Variants in RANBP17 observed in about 807,000 individuals in gnomAD.
The protein encoded by RANBP17 is ran-binding protein 17.
RANBP17 carries 158 observed loss-of-function variants against 141.2 expected under a neutral mutation model. That is an observed-to-expected ratio of 1.12 (90% CI 0.98 to 1.28). The LOEUF is 1.28. Among genes scored for constraint, RANBP17 ranks in the 50% most tolerant of loss-of-function variants. The pLI, the probability that RANBP17 is intolerant of heterozygous loss-of-function variation, is 0.00. For missense variants in RANBP17, 1,438 were observed against 1,290.7 expected (o/e 1.11, Z -1.75); for synonymous variants, 430 against 450.0 (o/e 0.96, Z 0.56).
chr5:171,102,566 T>G (rs1268618489), intron 14 of RANBP17, among the ~76,000 whole-genome samples: 1 of 152,130 alleles, frequency 6.6e-6, no homozygotes, highest in East Asian at 1.9e-4. Flanking sequence ...AGGAGTTTGT[T>G]ATTACGCACT....
chr5:170,911,065 A>G lies in RANBP17; in HGVS notation c.691A>G (p.Ile231Val), dbSNP rs1409507227. The change falls in exon 7 of 28, where the codon ATT becomes GTT. Residue 231 changes from isoleucine (I) to valine (V), a missense_variant. By Grantham distance (29) the Ile-to-Val change is conservative (BLOSUM62 3). Coordinates refer to ENST00000523189, the MANE Select transcript of RANBP17 (RefSeq NM_022897.5). ...LVLNCLNFDF[I>V]GSSADESADD... ...CCTTAACTGCCTTAACTTTGACTTC[A>G]TTGGCAGTTCAGCAGATGAATCTGC... 1.9e-6 allele frequency: 3 copies of G among 1,612,092 alleles called. No individual in the cohort carries two copies. Among genetic ancestry groups the G allele is most frequent in the African/African-American group, 1.3e-5 (1 of 74,940 alleles).
At chr5:171,011,127 A>G (rs1180211170) in intron 14 of RANBP17, among the ~76,000 whole-genome samples, 5 of 152,132 alleles carry the variant, frequency 3.3e-5, no homozygotes, top group Non-Finnish European at 7.4e-5. Context: ...AACATCTCTC[A>G]TGAGCACAAA....
chr5:171,117,597 G>T (rs1216484131), intron 14 of RANBP17, among the ~76,000 whole-genome samples: 1 of 152,006 alleles, frequency 6.6e-6, no homozygotes, highest in East Asian at 1.9e-4. Flanking sequence ...AGGTTCAAGC[G>T]ATTCTCTTGC....
At chr5:171,100,906 A>T (rs888320757) in intron 14 of RANBP17, among the ~76,000 whole-genome samples, 1 of 152,094 alleles carries the variant, frequency 6.6e-6, no homozygotes, top group Non-Finnish European at 1.5e-5. Flanking sequence ...GTAGTTGTGC[A>T]GTTTTGAGTG....
At chr5:171,061,860 A>G (rs1473043338) in intron 14 of RANBP17, among the ~76,000 whole-genome samples, 2 of 152,214 alleles carry the variant, frequency 1.3e-5, no homozygotes, top group Non-Finnish European at 2.9e-5. Context: ...TATTGGGTGC[A>G]TATATATTTA....
intron 25 of RANBP17, 58 bp from the exon 26 acceptor site, chr5:171,293,825 G>T: frequency 7.8e-7 from 1 of 1,277,190 alleles, no homozygotes; most frequent in Non-Finnish European, 1.1e-6. Flanking sequence ...GAAAGGCCTG[G>T]GATTAGGGGG....
intron 12 of RANBP17, among the ~76,000 whole-genome samples, chr5:170,936,852 C>G (rs1045834803): frequency 6.6e-6 from 1 of 152,006 alleles, no homozygotes; most frequent in African/African-American, 2.4e-5. Context: ...AATCTAATTC[C>G]TTAAATTTTT....
chr5:171,035,751 T>G (rs1231584557), intron 14 of RANBP17, among the ~76,000 whole-genome samples: 3 of 150,478 alleles, frequency 2.0e-5, no homozygotes, highest in African/African-American at 7.3e-5. Flanking sequence ...TTTTTTTTTT[T>G]TTTTTAAGTA....
intron 14 of RANBP17, among the ~76,000 whole-genome samples, chr5:171,019,299 T>C (rs1251342913): frequency 6.6e-6 from 1 of 152,226 alleles, no homozygotes; most frequent in Admixed American, 6.5e-5. Context: ...AGTCCCTCCT[T>C]TTCAATTGTT....
intron 12 of RANBP17, among the ~76,000 whole-genome samples, chr5:170,946,514 T>C (rs1774774091): frequency 6.6e-6 from 1 of 152,154 alleles, no homozygotes. Flanking sequence ...CTAATTGTCA[T>C]TGTTTGGTAG....
chr5:171,022,167 C>T (rs566711076), intron 14 of RANBP17, among the ~76,000 whole-genome samples: 1 of 152,180 alleles, frequency 6.6e-6, no homozygotes, highest in Admixed American at 6.5e-5. Flanking sequence ...AGATGGGTCC[C>T]TGCTCCTTCT....
chr5:170,987,727 A>G (rs967780887), intron 14 of RANBP17, among the ~76,000 whole-genome samples: 64 of 151,718 alleles, frequency 4.2e-4, no homozygotes, highest in African/African-American at 1.2e-3. Flanking sequence ...GCCAAATTCT[A>G]CTTTTGAGAA....
At chr5:171,097,971 CT>C (rs1561651780) in intron 14 of RANBP17, among the ~76,000 whole-genome samples, 1 of 151,958 alleles carries the variant, frequency 6.6e-6, no homozygotes, top group African/African-American at 2.4e-5. Context: ...TGAACTCATC[CT>C]TTTTTATGGC....
intron 14 of RANBP17, among the ~76,000 whole-genome samples, chr5:171,016,814 G>T (rs1262264823): frequency 4.6e-5 from 7 of 151,676 alleles, no homozygotes; most frequent in African/African-American, 1.7e-4. Flanking sequence ...GGATACACGT[G>T]CAGAACGTGC....
At chr5:171,121,285 T>A (rs1419373044) in intron 14 of RANBP17, among the ~76,000 whole-genome samples, 6 of 152,218 alleles carry the variant, frequency 3.9e-5, no homozygotes, top group Non-Finnish European at 8.8e-5. Context: ...GCATAACTGC[T>A]CCACCAGTCT....
chr5:171,110,163 T>G (rs1002034563), intron 14 of RANBP17, among the ~76,000 whole-genome samples: 1 of 152,002 alleles, frequency 6.6e-6, no homozygotes, highest in African/African-American at 2.4e-5. Context: ...TGGTTCAGAT[T>G]CCAACTCTGT....
At chr5:171,014,727 T>C (rs1339123951) in intron 14 of RANBP17, among the ~76,000 whole-genome samples, 1 of 152,066 alleles carries the variant, frequency 6.6e-6, no homozygotes, top group African/African-American at 2.4e-5. Context: ...ATCAGTATTT[T>C]ACTCAGATAG....
rs375620417 is a variant in RANBP17 at position 171,247,019 on chromosome 5, G to A, written c.2776+4199G>A. ...GCTCCTAGCATTATAGTAAGTGTTC[G>A]ATAAATATTTACTGAATGCATTAAT... On this transcript the variant is annotated intron_variant, in intron 24 of 27. Transcript: ENST00000523189. 1.6e-3 allele frequency among the ~76,000 whole-genome samples: 243 copies of A among 152,216 alleles called. 9 individuals carry two copies. In the South Asian group the frequency reaches 0.038, roughly 24 times the overall value.
At chr5:171,289,379 C>T (rs1768347346) in intron 25 of RANBP17, among the ~76,000 whole-genome samples, 1 of 152,200 alleles carries the variant, frequency 6.6e-6, no homozygotes, top group Non-Finnish European at 1.5e-5. Context: ...CACTCTCTAG[C>T]AGTAAAGCAT....
Sources: allele counts gnomAD v4.1 joint callset (sites outside exome capture counted in the v4.1 genomes callset), GRCh38; gene constraint gnomAD v4.1.1; transcripts MANE v1.5; gene names NCBI Gene and HGNC (gene_info 2026-07-23, HGNC 2026-07-21).